The following MGARP variants were observed in gnomAD, a reference collection of about 807,000 sequenced individuals.
MGARP encodes the protein protein MGARP.
MGARP carries 12 observed loss-of-function variants against 11.0 expected under a neutral mutation model. The ratio of observed to expected loss-of-function variants is 1.09; its 90% CI spans 0.70 to 1.77. The LOEUF (loss-of-function observed/expected upper bound fraction) is 1.77, where lower values mean the gene tolerates loss of function less well. Ranked by LOEUF, MGARP falls within the 40% of genes most tolerant of loss-of-function variation. The pLI is 0.00. For missense variants in MGARP, 283 were observed against 297.8 expected (o/e 0.95, Z 0.36); for synonymous variants, 110 against 115.4 (o/e 0.95, Z 0.30).
rs200166574 is a variant in MGARP at position 139,275,384 on chromosome 4, G to A, written c.91C>T (p.Arg31Cys). 1.0e-4 allele frequency: 162 copies of A among 1,612,308 alleles called. No homozygotes were observed. The highest frequency in any genetic ancestry group is 2.5e-4 in the Admixed American group (15 of 59,386). The change falls in exon 2 of 4, where the codon CGC (arginine) becomes TGC (cysteine). Residue 31 changes from arginine to cysteine, a missense_variant. Physicochemically the swap from Arg to Cys is radical, Grantham distance 180. Coordinates refer to ENST00000398955, the MANE Select transcript of MGARP (RefSeq NM_032623.4). ...GGGAATCTGTTAGATGACATCCGGC[G>A]CAGAGATGCTAGGAAAAAAATGTTT... ...PAPLGKDASL[R>C]RMSSNRFPGS...
intron 2 of MGARP, among the ~76,000 whole-genome samples, chr4:139,275,048 TTAAAAA>T (rs1372306798): frequency 7.2e-5 from 11 of 152,296 alleles, no homozygotes; most frequent in Non-Finnish European, 1.5e-4. Context: ...GAAATAAAAC[TTAAAAA>T]TAAACTAAAA....
chr4:139,280,091 G>A lies in MGARP; in HGVS notation c.68C>T (p.Pro23Leu). The A allele has an allele frequency of 6.2e-7, 1 of 1,612,198 alleles. No homozygotes were observed. Among genetic ancestry groups the A allele is most frequent in the South Asian group, 1.1e-5 (1 of 91,060 alleles). Reference sequence around the variant, plus strand: ...TCCTTACTCACCGTCCTTTCCGAGCGGCGCGGGGTTGGGGGGCGCCCTCAG... The same window carrying A: ...TCCTTACTCACCGTCCTTTCCGAGCAGCGCGGGGTTGGGGGGCGCCCTCAG... The part of the protein sequence containing the change: ...LPLRAPPNPA[P>L]LGKDASLRRM... Residue 23 changes from proline to leucine, a missense_variant, in exon 1 of 4, where the codon CCG (proline) becomes CTG (leucine). Transcript: ENST00000398955.
chr4:139,278,581 C>T (rs920019272), intron 1 of MGARP, among the ~76,000 whole-genome samples: 4 of 151,796 alleles, frequency 2.6e-5, no homozygotes, highest in African/African-American at 9.7e-5. Flanking sequence ...AAAAAAGGTG[C>T]GCGTGTGTGT....
chr4:139,266,798 GT>G lies in MGARP; in HGVS notation c.523del (p.Thr175GlnfsTer34), dbSNP rs1744704567. The G allele has an allele frequency of 1.2e-6, 2 of 1,614,074 alleles. No homozygotes were observed. On this transcript the variant is annotated frameshift_variant, in exon 4 of 4. Transcript: ENST00000398955. LOFTEE classifies it low-confidence loss of function (END_TRUNC). ...ARETTEVNPE[T>X]TPEVTNAALD... ...GGCAGCATTTGTAACCTCTGGGGTTGTTTCAGGGTTTACTTCCGTGGTTTCC... is the reference window on the plus strand; with the variant it reads ...GGCAGCATTTGTAACCTCTGGGGTTGTTCAGGGTTTACTTCCGTGGTTTCC...
chr4:139,266,506 T>G lies in MGARP; in HGVS notation c.*93A>C. 1 of 1,189,782 alleles carries G rather than the reference T, an allele frequency of 8.4e-7. No homozygotes were observed. The highest frequency in any genetic ancestry group is 1.1e-6 in the Non-Finnish European group (1 of 871,736). The allele number at this position is 1,189,782 out of a possible 1,614,324, so 73.7% of individuals were successfully genotyped here. A position where few individuals can be genotyped will look rare whatever the true frequency, so the allele number is the denominator to read the frequency against. ...CCATTAACGTTTTCTAGAAAATAAG[T>G]CTTTTTTTTTTTAAACTAAGTGTAC... On this transcript the variant is annotated 3_prime_UTR_variant, in exon 4 of 4. Coordinates refer to ENST00000398955, the MANE Select transcript of MGARP (RefSeq NM_032623.4).
intron 3 of MGARP, 61 bp from the exon 4 acceptor site, chr4:139,267,102 A>T: frequency 6.5e-7 from 1 of 1,533,096 alleles, no homozygotes; most frequent in Non-Finnish European, 8.9e-7. Flanking sequence ...GCAATGAAAC[A>T]CTGCGGTCGT....
At chr4:139,275,234 C>T (rs1744847622) in intron 2 of MGARP, 55 bp downstream of exon 2, 3 of 1,443,592 alleles carry the variant, frequency 2.1e-6, no homozygotes, top group Non-Finnish European at 2.9e-6. Context: ...TTGAGCTTTA[C>T]CATGAGTTGT....
At chr4:139,268,545 C>A (rs1008445024) in intron 3 of MGARP, 127 bp downstream of exon 3, 10 of 614,252 alleles carry the variant, frequency 1.6e-5, no homozygotes, top group Non-Finnish European at 2.7e-5. Context: ...TGAACTTATA[C>A]CTAGAGTCAT....
Position 139,268,785 on chromosome 4 carries a change from T to G in MGARP, c.187-20A>C. On this transcript the variant is annotated intron_variant, in intron 2 of 3. Transcript: ENST00000398955. The stretch of plus-strand genomic sequence containing the variant: ...GTAAGCCTGAAAGTAAATGTATGCT[T>G]AGGTTTATTTCTTGAGCTTTAAGAT... The G allele has an allele frequency of 6.4e-7, 1 of 1,561,592 alleles. No homozygotes were observed. The highest frequency in any genetic ancestry group is 8.7e-7 in the Non-Finnish European group (1 of 1,142,992).
chr4:139,266,926 G>C lies in MGARP; in HGVS notation c.396C>G (p.Val132=). The change falls in exon 4 of 4, where the codon GTC becomes GTG. Residue 132 remains valine (V), a synonymous_variant. Coordinates refer to ENST00000398955, the MANE Select transcript of MGARP (RefSeq NM_032623.4). ...AEESPSATVV[V]IKEASACPGH... is the part of the protein sequence containing the mutation. Reference sequence around the variant, plus strand: ...CTGGACAGGCAGATGCCTCTTTTATGACCACAACTGTAGCACTGGGACTTT... The same window carrying C: ...CTGGACAGGCAGATGCCTCTTTTATCACCACAACTGTAGCACTGGGACTTT... 1 of 1,614,104 alleles carries C rather than the reference G, an allele frequency of 6.2e-7. No homozygotes were observed. Among genetic ancestry groups the C allele is most frequent in the Non-Finnish European group, 8.5e-7 (1 of 1,180,010 alleles).
Position 139,280,058 on chromosome 4 carries a change from G to C in MGARP, c.82+19C>G, listed in dbSNP as rs200057571. On this transcript the variant is annotated intron_variant, in intron 1 of 3. Transcript: ENST00000398955. ...CCGAGGCGCCCGTCCTCCTCTCCGG[G>C]CTAGACCTCCTTACTCACCGTCCTT... 59 of 1,611,314 alleles carry C rather than the reference G, an allele frequency of 3.7e-5. No individual in the cohort carries two copies. Among genetic ancestry groups the C allele is most frequent in the Non-Finnish European group, 4.9e-5 (58 of 1,179,386 alleles).
chr4:139,271,689 AG>A (rs1478341887), intron 2 of MGARP, among the ~76,000 whole-genome samples: 8 of 152,240 alleles, frequency 5.3e-5, no homozygotes. Context: ...ATGAAATGGA[AG>A]GGGAGAACAA....
chr4:139,278,344 A>G (rs993942921), intron 1 of MGARP, among the ~76,000 whole-genome samples: 6 of 152,352 alleles, frequency 3.9e-5, no homozygotes, highest in African/African-American at 1.4e-4. Flanking sequence ...CAAAGTAGAA[A>G]GTATGAACAA....
chr4:139,277,104 C>G (rs1296302109), intron 1 of MGARP, among the ~76,000 whole-genome samples: 1 of 152,148 alleles, frequency 6.6e-6, no homozygotes, highest in East Asian at 1.9e-4. Flanking sequence ...GGCATCATGT[C>G]AGTGCTCAGA....
At chr4:139,270,608 G>GAAAAAA (rs751695236) in intron 2 of MGARP, among the ~76,000 whole-genome samples, 55 of 88,960 alleles carry the variant, frequency 6.2e-4, no homozygotes, top group East Asian at 1.3e-3. Context: ...GACCGCGTCT[G>GAAAAAA]AAAAAAAAAA....
chr4:139,275,240 G>C (rs750769513), intron 2 of MGARP, 49 bp downstream of exon 2: 7 of 1,488,442 alleles, frequency 4.7e-6, no homozygotes, highest in Non-Finnish European at 6.5e-6. Context: ...TTTACCATGA[G>C]TTGTAAAATA....
rs1321584457 is a variant in MGARP, at chr4:139,280,107, G to T, written c.52C>A (p.Pro18Thr). Residue 18 changes from proline (P) to threonine (T), a missense_variant, in exon 1 of 4, where the codon CCC (proline) becomes ACC (threonine). By Grantham distance (38) the Pro-to-Thr change is conservative. Coordinates refer to ENST00000398955, the MANE Select transcript of MGARP (RefSeq NM_032623.4). ...TTTCCGAGCGGCGCGGGGTTGGGGGGCGCCCTCAGCGGCAGCGCCAGAGTC... is the reference window on the plus strand; with the variant it reads ...TTTCCGAGCGGCGCGGGGTTGGGGGTCGCCCTCAGCGGCAGCGCCAGAGTC... ...SKTLALPLRAPPNPAPLGKDA... is the reference protein window; with the variant it reads ...SKTLALPLRATPNPAPLGKDA... 1.2e-6 allele frequency: 2 copies of T among 1,612,050 alleles called. No homozygotes were observed. The highest frequency in any genetic ancestry group is 1.7e-6 in the Non-Finnish European group (2 of 1,179,712).
At chr4:139,277,976 C>T (rs1212158912) in intron 1 of MGARP, among the ~76,000 whole-genome samples, 1 of 151,884 alleles carries the variant, frequency 6.6e-6, no homozygotes, top group Non-Finnish European at 1.5e-5. Flanking sequence ...ACCTGTAATC[C>T]CAGCACTTTG....
At chr4:139,280,021 C>A in intron 1 of MGARP, 56 bp downstream of exon 1, 2 of 1,585,822 alleles carry the variant, frequency 1.3e-6, no homozygotes, top group Non-Finnish European at 1.7e-6. Flanking sequence ...CTGGCGCGGG[C>A]GAAATCTGCA....
Sources: gnomAD v4.1 joint callset for allele counts (sites outside exome capture counted in the v4.1 genomes callset) on GRCh38, gnomAD v4.1.1 for gene constraint, MANE v1.5 for transcripts, NCBI Gene and HGNC (gene_info 2026-07-23, HGNC 2026-07-21) for gene names.